BAZ1B: variants seen among roughly 807,000 people sequenced by gnomAD.
BAZ1B encodes tyrosine-protein kinase BAZ1B.
Under a neutral mutation model 153.8 loss-of-function variants are expected in BAZ1B, and 22 were observed. That is an observed-to-expected ratio of 0.14 (90% CI 0.10 to 0.20). The LOEUF (loss-of-function observed/expected upper bound fraction) is 0.20, where lower values mean the gene tolerates loss of function less well. Ranked by LOEUF, BAZ1B falls within the 10% of genes least tolerant of loss-of-function variation. The pLI is 1.00. For synonymous variants in BAZ1B, 676 were observed against 633.4 expected, an observed-to-expected ratio of 1.07 and a Z score of -1.01; for missense variants, 1,325 against 1,799.3, an observed-to-expected ratio of 0.74 and a Z score of 4.77.
chr7:73,487,271 A>C (rs1474608438), intron 6 of BAZ1B, among the ~76,000 whole-genome samples: 1 of 152,144 alleles, frequency 6.6e-6, no homozygotes, highest in Non-Finnish European at 1.5e-5. Flanking sequence ...TCCTACAAAA[A>C]TTGTGGATCA....
chr7:73,449,728 C>G (rs782606104), intron 14 of BAZ1B, 39 bp from the exon 15 acceptor site: 2 of 1,603,382 alleles, frequency 1.2e-6, no homozygotes, highest in African/African-American at 2.7e-5. Flanking sequence ...GTTGGGAGCA[C>G]AGCAGCAGTC....
chr7:73,445,869 G>A (rs1206964604), intron 16 of BAZ1B, among the ~76,000 whole-genome samples: 1 of 151,950 alleles, frequency 6.6e-6, no homozygotes, highest in African/African-American at 2.4e-5. Context: ...CCCCCGCTCC[G>A]CCAAAAAAAA....
At chr7:73,447,215 A>C in intron 16 of BAZ1B, 49 bp downstream of exon 16, 1 of 1,612,324 alleles carries the variant, frequency 6.2e-7, no homozygotes, top group Non-Finnish European at 8.5e-7. Context: ...CAAGCGTTCC[A>C]AGCTTAGAAG....
intron 5 of BAZ1B, among the ~76,000 whole-genome samples, chr7:73,491,986 CTTTTTTT>C (rs782649883): frequency 2.0e-4 from 24 of 117,240 alleles, no homozygotes; most frequent in East Asian, 9.4e-4. Flanking sequence ...CAGCAAAACG[CTTTTTTT>C]TTTTTTTTTT....
At chr7:73,518,369 C>G (rs1178510211) in intron 1 of BAZ1B, among the ~76,000 whole-genome samples, 1 of 151,552 alleles carries the variant, frequency 6.6e-6, no homozygotes, top group Admixed American at 6.6e-5. Context: ...GCCTAGATCG[C>G]GCCACTGCAC....
intron 12 of BAZ1B, 190 bp downstream of exon 12, chr7:73,462,732 T>C: frequency 1.6e-6 from 1 of 619,048 alleles, no homozygotes; most frequent in South Asian, 2.0e-5. Context: ...TTTTTCTGGA[T>C]AGCAGCAAAA....
Position 73,464,208 on chromosome 7 carries a change from C to T in BAZ1B, c.3072-1109G>A, listed in dbSNP as rs1044784971. ...CTCTTCCATCAAACCTAAATTCAAC[C>T]GTGAAATTGAGCACAGAGTCAGCAA... On this transcript the variant is annotated intron_variant, in intron 11 of 19. Coordinates refer to ENST00000339594, the MANE Select transcript of BAZ1B (RefSeq NM_032408.4). 2.5e-5 allele frequency: 24 copies of T among 967,256 alleles called. No homozygotes were observed. The South Asian group carries it at 5.3e-4, about 21-fold the overall frequency. 59.9% of individuals were successfully genotyped at this position (967,256 alleles called of 1,614,324 possible). A position where few individuals can be genotyped will look rare whatever the true frequency, so the allele number is the denominator to read the frequency against.
At chr7:73,446,534 G>A (rs1787841746) in intron 16 of BAZ1B, among the ~76,000 whole-genome samples, 1 of 131,658 alleles carries the variant, frequency 7.6e-6, no homozygotes, top group South Asian at 2.5e-4. Flanking sequence ...CCAGGCGACA[G>A]TGAGACCATC....
chr7:73,493,421 T>C (rs1009435139), intron 4 of BAZ1B, among the ~76,000 whole-genome samples: 11 of 151,580 alleles, frequency 7.3e-5, no homozygotes, highest in Non-Finnish European at 1.3e-4. Context: ...GATCACGCCA[T>C]TGCACTCCAG....
intron 19 of BAZ1B, chr7:73,441,975 G>A (rs1283523561): frequency 1.8e-6 from 1 of 547,462 alleles, no homozygotes; most frequent in Non-Finnish European, 3.2e-6. Context: ...TCAGAAGGGA[G>A]GGTTATGGCC....
In BAZ1B at chr7:73,496,196, C is replaced by A. The variant is rs543913336; in HGVS notation, c.571+2301G>T. ...AGAGAGAATATTCCTAACCAAAACA[C>A]TTCTCAACCTCAAGGAATTGCAAGT... On this transcript the variant is annotated intron_variant, in intron 4 of 19. Transcript: ENST00000339594. Among the ~76,000 whole-genome samples, 19 of 152,258 alleles carry A rather than the reference C, an allele frequency of 1.2e-4. No individual in the cohort carries two copies. In the South Asian group the frequency reaches 2.7e-3, roughly 22 times the overall value.
chr7:73,506,979 C>T (rs1350355122), intron 3 of BAZ1B, among the ~76,000 whole-genome samples: 1 of 145,822 alleles, frequency 6.9e-6, no homozygotes, highest in Admixed American at 6.8e-5. Flanking sequence ...CCCAGATTCA[C>T]GCCATTCTCC....
chr7:73,485,641 A>AG (rs1376720079), intron 6 of BAZ1B, among the ~76,000 whole-genome samples: 6 of 151,638 alleles, frequency 4.0e-5, no homozygotes, highest in African/African-American at 7.3e-5. Context: ...AAAAAAAAAA[A>AG]AGAGAGAGAG....
chr7:73,467,964 C>T (rs1462438754), intron 9 of BAZ1B, among the ~76,000 whole-genome samples: 2 of 152,198 alleles, frequency 1.3e-5, no homozygotes, highest in African/African-American at 4.8e-5. Flanking sequence ...AACATGCAAA[C>T]ACCTTAAATC....
At chr7:73,443,137 G>A in intron 17 of BAZ1B, among the ~76,000 whole-genome samples, 1 of 152,174 alleles carries the variant, frequency 6.6e-6, no homozygotes, top group South Asian at 2.1e-4. Context: ...CTGTCAACAG[G>A]ACACTAGCTC....
intron 7 of BAZ1B, among the ~76,000 whole-genome samples, chr7:73,474,934 C>T (rs151243794): frequency 8.5e-5 from 13 of 152,194 alleles, no homozygotes; most frequent in Non-Finnish European, 1.9e-4. Context: ...CTGAATACTT[C>T]GCCAAAGATA....
chr7:73,463,920 C>A (rs192872679), intron 11 of BAZ1B, among the ~76,000 whole-genome samples: 8 of 152,300 alleles, frequency 5.3e-5, no homozygotes, highest in African/African-American at 1.2e-4. Context: ...GTTGGCCAGG[C>A]TGGTCTCGAA....
rs1791096413 is a variant in BAZ1B, at chr7:73,522,261, C to T, written c.-328G>A. 1 of 374,834 alleles carries T rather than the reference C, an allele frequency of 2.7e-6. No individual in the cohort carries two copies. Among genetic ancestry groups the T allele is most frequent in the East Asian group, 3.8e-5 (1 of 26,362 alleles). 23.2% of individuals were successfully genotyped at this position (374,834 alleles called of 1,614,324 possible). Reference sequence around the variant, plus strand: ...TTATTGAAAAATGGCGGGAGATTCCCCTCCTCCCCCGGGCCCGGCCAACGC... The same window carrying T: ...TTATTGAAAAATGGCGGGAGATTCCTCTCCTCCCCCGGGCCCGGCCAACGC... On this transcript the variant is annotated 5_prime_UTR_variant, in exon 1 of 20. Coordinates refer to ENST00000339594, the MANE Select transcript of BAZ1B (RefSeq NM_032408.4).
intron 8 of BAZ1B, 90 bp downstream of exon 8, chr7:73,470,255 C>T (rs906166643): frequency 1.4e-5 from 19 of 1,311,090 alleles, no homozygotes; most frequent in Admixed American, 2.4e-5. Context: ...AAGAGAGAAG[C>T]TTGTCTATTC....
Sources: allele counts gnomAD v4.1 joint callset (sites outside exome capture counted in the v4.1 genomes callset), GRCh38; gene constraint gnomAD v4.1.1; transcripts MANE v1.5; gene names NCBI Gene and HGNC (gene_info 2026-07-23, HGNC 2026-07-21).